Variants in RPS6KA2 observed in about 807,000 individuals in gnomAD.
RPS6KA2 encodes the protein ribosomal protein S6 kinase A2.
Under a neutral mutation model 91.8 loss-of-function variants are expected in RPS6KA2, and 42 were observed. The observed-to-expected ratio is 0.46, with a 90% CI of 0.36 to 0.59. The LOEUF is 0.59. Among genes scored for constraint, RPS6KA2 ranks in the 20% least tolerant of loss-of-function variants. The pLI is 0.00. For synonymous variants in RPS6KA2, 414 were observed against 393.6 expected, an observed-to-expected ratio of 1.05 and a Z score of -0.61; for missense variants, 798 against 978.5, an observed-to-expected ratio of 0.82 and a Z score of 2.46.
intron 2 of RPS6KA2, among the ~76,000 whole-genome samples, chr6:166,808,134 C>T (rs553175346): frequency 6.6e-6 from 1 of 152,320 alleles, no homozygotes; most frequent in South Asian, 2.1e-4. Context: ...GGCCAAGCTC[C>T]CCGTGGTGCT....
Position 166,423,550 on chromosome 6 carries a change from A to G in RPS6KA2, c.1582-133T>C, listed in dbSNP as rs1394466263. ...AGGTCCTGCAAGCAGGCAACAGGCC[A>G]ACAGTGTCAACAGCTGCTGTCTTCT... On this transcript the variant is annotated intron_variant, in intron 16 of 20. Coordinates refer to ENST00000265678, the MANE Select transcript of RPS6KA2 (RefSeq NM_021135.6). The surrounding 1 kb of genome is among the most constrained non-coding windows in gnomAD (Gnocchi z 4.8). The G allele has an allele frequency of 9.3e-6, 7 of 755,746 alleles. No homozygotes were observed. The East Asian group carries it at 2.0e-4, about 21-fold the overall frequency. 46.8% of individuals were successfully genotyped at this position (755,746 alleles called of 1,614,324 possible).
At chr6:166,736,447 T>C (rs1790670909) in intron 2 of RPS6KA2, among the ~76,000 whole-genome samples, 1 of 152,206 alleles carries the variant, frequency 6.6e-6, no homozygotes, top group Admixed American at 6.5e-5. Flanking sequence ...CCACTTAGTG[T>C]CATTAACAGA....
Position 166,813,973 on chromosome 6 carries a change from C to A in RPS6KA2, c.123+44227G>T, listed in dbSNP as rs148427772. ...TTAATGATGGCCGGTGTCTGGTATT[C>A]TATCTGGCACATGGCAAACACTAAA... On this transcript the variant is annotated intron_variant, in intron 2 of 21. Coordinates refer to the RPS6KA2 transcript ENST00000503859. 2.8e-4 allele frequency among the ~76,000 whole-genome samples: 42 copies of A among 152,316 alleles called. No homozygotes were observed. In the Middle Eastern group the frequency reaches 0.02, roughly 74 times the overall value.
chr6:166,566,282 C>G (rs1425209144), intron 1 of RPS6KA2, among the ~76,000 whole-genome samples: 1 of 152,194 alleles, frequency 6.6e-6, no homozygotes. Flanking sequence ...CCAGAATATG[C>G]CAGAACATGC....
At chr6:166,676,433 C>T (rs1035483747) in intron 2 of RPS6KA2, among the ~76,000 whole-genome samples, 19 of 152,186 alleles carry the variant, frequency 1.2e-4, no homozygotes, top group African/African-American at 4.3e-4. Context: ...AAAGTGTGGC[C>T]GGTTGATCTC....
chr6:166,686,387 C>T (rs1372711058), intron 2 of RPS6KA2, among the ~76,000 whole-genome samples: 1 of 152,132 alleles, frequency 6.6e-6, no homozygotes, highest in Non-Finnish European at 1.5e-5. Context: ...TTTTTGTATG[C>T]AGGGAGGTGA....
chr6:166,616,498 C>T (rs1430742171), intron 1 of RPS6KA2, among the ~76,000 whole-genome samples: 20 of 152,216 alleles, frequency 1.3e-4, no homozygotes, highest in Admixed American at 6.5e-5. Flanking sequence ...ACATACATGA[C>T]GGTACAGTTG....
intron 2 of RPS6KA2, among the ~76,000 whole-genome samples, chr6:166,668,695 T>C (rs939479703): frequency 6.6e-6 from 1 of 152,150 alleles, no homozygotes; most frequent in Non-Finnish European, 1.5e-5. Flanking sequence ...ACAGGGAGGC[T>C]GGTTCTGGGA....
At chr6:166,811,495 G>A (rs1181910682) in intron 2 of RPS6KA2, among the ~76,000 whole-genome samples, 1 of 152,186 alleles carries the variant, frequency 6.6e-6, no homozygotes, top group Non-Finnish European at 1.5e-5. Flanking sequence ...GTGTGGTTGT[G>A]TGCCTGTAGT....
At chr6:166,425,940 C>T (rs1432107573) in intron 16 of RPS6KA2, among the ~76,000 whole-genome samples, 3 of 152,130 alleles carry the variant, frequency 2.0e-5, no homozygotes, top group Non-Finnish European at 4.4e-5. Context: ...CTCAGCTCTG[C>T]ACCAAGCAGA....
At chr6:166,549,771 G>T (rs1276097518) in intron 1 of RPS6KA2, among the ~76,000 whole-genome samples, 2 of 152,080 alleles carry the variant, frequency 1.3e-5, no homozygotes, top group Non-Finnish European at 2.9e-5. Context: ...TATTTGCAGA[G>T]AACTCATATA....
chr6:166,830,672 T>C (rs888746238), intron 2 of RPS6KA2, among the ~76,000 whole-genome samples: 1 of 152,174 alleles, frequency 6.6e-6, no homozygotes, highest in Non-Finnish European at 1.5e-5. Context: ...CCTTAGCGTG[T>C]GAGCCCACAG....
chr6:166,571,534 T>G (rs1438952795), intron 1 of RPS6KA2, among the ~76,000 whole-genome samples: 1 of 152,244 alleles, frequency 6.6e-6, no homozygotes, highest in Non-Finnish European at 1.5e-5. Flanking sequence ...TGCACGCACA[T>G]GCGCGTTCTA....
chr6:166,855,117 G>A (rs1236014038), intron 2 of RPS6KA2, among the ~76,000 whole-genome samples: 1 of 152,146 alleles, frequency 6.6e-6, no homozygotes, highest in African/African-American at 2.4e-5. Flanking sequence ...ACTTATAAGT[G>A]GGACTAAAGA....
chr6:166,498,804 CTTCCCGAAGCCCGTCAG>C (rs1781897226), intron 7 of RPS6KA2, among the ~76,000 whole-genome samples, 154 bp from the exon 8 acceptor site: 1 of 152,162 alleles, frequency 6.6e-6, no homozygotes, highest in African/African-American at 2.4e-5. Context: ...CATGTGAGTG[CTTCCCGAAGCCCGTCAG>C]TGCCCGAAGC....
intron 10 of RPS6KA2, among the ~76,000 whole-genome samples, chr6:166,480,499 ATATATATATATATAT>A (rs1781166057): frequency 7.4e-6 from 1 of 134,266 alleles, no homozygotes; most frequent in African/African-American, 3.0e-5. Context: ...ATATATATAT[ATATATATATATATAT>A]AATATATTTT....
intron 2 of RPS6KA2, among the ~76,000 whole-genome samples, chr6:166,688,032 G>A (rs370370371): frequency 2.6e-4 from 40 of 152,314 alleles, no homozygotes; most frequent in African/African-American, 9.1e-4. Flanking sequence ...CAGCGGGACA[G>A]GGATTGGCTG....
intron 2 of RPS6KA2, among the ~76,000 whole-genome samples, chr6:166,797,241 G>A (rs1779250731): frequency 6.6e-6 from 1 of 152,194 alleles, no homozygotes; most frequent in Non-Finnish European, 1.5e-5. Context: ...GTGCAGGATG[G>A]CAGGGGCAAG....
chr6:166,630,199 G>T (rs180949054), upstream of RPS6KA2, among the ~76,000 whole-genome samples: 5 of 152,284 alleles, frequency 3.3e-5, no homozygotes, highest in Admixed American at 3.3e-4. Flanking sequence ...ATCTCTCCCT[G>T]CTACACAGGC....
Sources: gnomAD v4.1 joint callset for allele counts (sites outside exome capture counted in the v4.1 genomes callset) on GRCh38, gnomAD v4.1.1 for gene constraint, Gnocchi (gnomAD v3.1) non-coding constraint, MANE v1.5 for transcripts, NCBI Gene and HGNC (gene_info 2026-07-23, HGNC 2026-07-21) for gene names.